IMMP2L: variants seen among roughly 807,000 people sequenced by gnomAD.
IMMP2L encodes the protein mitochondrial inner membrane protease subunit 2.
Under a neutral mutation model 19.3 loss-of-function variants are expected in IMMP2L, and 18 were observed. The ratio of observed to expected loss-of-function variants is 0.93; its 90% CI spans 0.64 to 1.38. The LOEUF (loss-of-function observed/expected upper bound fraction) is 1.38, where lower values mean the gene tolerates loss of function less well. Among genes scored for constraint, IMMP2L ranks in the 40% most tolerant of loss-of-function variants. The probability of loss-of-function intolerance (pLI) is 0.00; values close to 1 mark genes in which losing one functional copy is unlikely to be tolerated. For missense variants in IMMP2L, 233 were observed against 218.2 expected (o/e 1.07, Z -0.43); for synonymous variants, 76 against 73.0 (o/e 1.04, Z -0.21).
chr7:111,497,135 C>T (rs552697071), intron 2 of IMMP2L, among the ~76,000 whole-genome samples: 3 of 152,190 alleles, frequency 2.0e-5, no homozygotes, highest in African/African-American at 4.8e-5. Context: ...TACTATAGAA[C>T]GCCCCATCAA....
At chr7:111,237,800 A>C (rs1435820515) in intron 3 of IMMP2L, among the ~76,000 whole-genome samples, 2 of 152,024 alleles carry the variant, frequency 1.3e-5, no homozygotes, top group African/African-American at 4.8e-5. Context: ...AAGGTCAGTC[A>C]CCTTAGCTCA....
chr7:111,215,177 A>C (rs1176932814), intron 3 of IMMP2L, among the ~76,000 whole-genome samples: 1 of 152,116 alleles, frequency 6.6e-6, no homozygotes, highest in African/African-American at 2.4e-5. Context: ...AAAAACAAAA[A>C]CAAAAATAGA....
chr7:111,353,191 TC>T (rs1456410674), intron 3 of IMMP2L, among the ~76,000 whole-genome samples: 1 of 152,148 alleles, frequency 6.6e-6, no homozygotes, highest in East Asian at 1.9e-4. Flanking sequence ...ACGCTTGCCA[TC>T]CCCTGGCTTT....
chr7:110,821,618 A>C (rs1290138007), intron 5 of IMMP2L, among the ~76,000 whole-genome samples: 1 of 152,012 alleles, frequency 6.6e-6, no homozygotes, highest in African/African-American at 2.4e-5. Flanking sequence ...CCCTTATAGA[A>C]AAAGGAAAGG....
intron 3 of IMMP2L, among the ~76,000 whole-genome samples, chr7:111,027,474 C>T (rs972578619): frequency 4.0e-5 from 6 of 151,708 alleles, no homozygotes; most frequent in African/African-American, 7.3e-5. Context: ...GATGTGGTTG[C>T]GGGAAGGAGG....
intron 3 of IMMP2L, among the ~76,000 whole-genome samples, chr7:111,358,217 AC>A (rs1828909726): frequency 6.7e-6 from 1 of 148,746 alleles, no homozygotes; most frequent in African/African-American, 2.5e-5. Flanking sequence ...TTCCTCACCT[AC>A]CCCACAGCCT....
chr7:110,909,234 T>G (rs1281937930), intron 4 of IMMP2L, among the ~76,000 whole-genome samples: 1 of 152,154 alleles, frequency 6.6e-6, no homozygotes, highest in African/African-American at 2.4e-5. Flanking sequence ...CAAACTGTGC[T>G]GTACTTTGCT....
intron 3 of IMMP2L, among the ~76,000 whole-genome samples, chr7:111,428,490 T>C (rs909625652): frequency 6.6e-5 from 10 of 151,882 alleles, no homozygotes; most frequent in Admixed American, 1.3e-4. Flanking sequence ...AAGAATCAAT[T>C]CAAAAGAAGA....
At chr7:110,739,863 C>G (rs112812344) in intron 5 of IMMP2L, among the ~76,000 whole-genome samples, 36,895 of 152,046 alleles carry the variant, frequency 0.24, 4,604 homozygotes, top group South Asian at 0.34. Context: ...ATCAAGTACT[C>G]TCTGAGACCA....
chr7:111,550,652 G>C (rs1458405919), intron 1 of IMMP2L, among the ~76,000 whole-genome samples: 2 of 152,128 alleles, frequency 1.3e-5, no homozygotes, highest in Non-Finnish European at 2.9e-5. Flanking sequence ...AATATCTGCG[G>C]CAATCTTAAT....
At chr7:111,122,885 G>A (rs11978899) in intron 3 of IMMP2L, 2 of 1,614,024 alleles carry the variant, frequency 1.2e-6, no homozygotes, top group South Asian at 2.2e-5. Flanking sequence ...TGTGAAATCA[G>A]GCCTTGGTTT....
intron 3 of IMMP2L, among the ~76,000 whole-genome samples, chr7:111,030,584 C>T (rs1236443802): frequency 6.6e-6 from 1 of 152,064 alleles, no homozygotes; most frequent in Non-Finnish European, 1.5e-5. Context: ...AGAAATTGCA[C>T]TGAGTTGCTA....
intron 3 of IMMP2L, chr7:111,099,783 C>A (rs188472509): frequency 4.0e-5 from 6 of 151,406 alleles, no homozygotes; most frequent in African/African-American, 1.5e-4. Flanking sequence ...TATTGTGAAT[C>A]ATGAATAACC....
In IMMP2L at chr7:110,671,526, C is replaced by T. The variant is rs141219443; in HGVS notation, c.409-7805G>A. ...GTTTGTTTTGCCCACACAATGCCAA[C>T]GAACCACATGGACTAAATTTGCACT... On this transcript the variant is annotated intron_variant, in intron 5 of 5. Transcript: ENST00000405709. 5.8e-4 allele frequency among the ~76,000 whole-genome samples: 88 copies of T among 152,236 alleles called. 2 individuals are homozygous for T. The highest frequency in any genetic ancestry group is 2.0e-3 in the African/African-American group (84 of 41,534).
At chr7:110,685,551 C>T (rs1793053153) in intron 5 of IMMP2L, among the ~76,000 whole-genome samples, 2 of 152,084 alleles carry the variant, frequency 1.3e-5, no homozygotes, top group Admixed American at 1.3e-4. Flanking sequence ...TGGTGCTGAA[C>T]TAGGAGTTAT....
At chr7:111,070,219 T>G (rs1249474627) in intron 3 of IMMP2L, among the ~76,000 whole-genome samples, 1 of 152,212 alleles carries the variant, frequency 6.6e-6, no homozygotes, top group Admixed American at 6.5e-5. Flanking sequence ...TTGGAAAAAA[T>G]ACTGAGCACC....
At chr7:111,433,708 A>T (rs945010581) in intron 3 of IMMP2L, among the ~76,000 whole-genome samples, 1 of 151,902 alleles carries the variant, frequency 6.6e-6, no homozygotes, top group East Asian at 1.9e-4. Flanking sequence ...ATTATAATTC[A>T]AGGTGAGATT....
At chr7:111,150,485 C>T (rs1803952117) in intron 3 of IMMP2L, among the ~76,000 whole-genome samples, 1 of 152,152 alleles carries the variant, frequency 6.6e-6, no homozygotes, top group Non-Finnish European at 1.5e-5. Context: ...CACCAAACCT[C>T]CAACTGAGTC....
chr7:110,665,552 T>G (rs1296429532), intron 5 of IMMP2L, among the ~76,000 whole-genome samples: 1 of 152,204 alleles, frequency 6.6e-6, no homozygotes, highest in Non-Finnish European at 1.5e-5. Context: ...GAGTCACATA[T>G]TGCATTTGGT....
Sources: gnomAD v4.1 joint callset for allele counts (sites outside exome capture counted in the v4.1 genomes callset) on GRCh38, gnomAD v4.1.1 for gene constraint, MANE v1.5 for transcripts, NCBI Gene and HGNC (gene_info 2026-07-23, HGNC 2026-07-21) for gene names.